STARD13: variants seen among roughly 807,000 people sequenced by gnomAD.
The protein encoded by STARD13 is stAR-related lipid transfer protein 13.
A neutral mutation model predicts 106.4 loss-of-function variants in STARD13; 62 were observed. The ratio of observed to expected loss-of-function variants is 0.58; its 90% CI spans 0.48 to 0.72. The LOEUF (loss-of-function observed/expected upper bound fraction) is 0.72. Among genes scored for constraint, STARD13 ranks in the 30% least tolerant of loss-of-function variants. The probability of loss-of-function intolerance (pLI) is 0.00; values close to 1 mark genes in which losing one functional copy is unlikely to be tolerated. For synonymous variants in STARD13, 565 were observed against 553.0 expected (o/e 1.02, Z -0.31); for missense variants, 1,387 against 1,424.0 (o/e 0.97, Z 0.42).
chr13:33,358,021 C>T, the STARD13 span, among the ~76,000 whole-genome samples: 11 of 152,216 alleles, frequency 7.2e-5, no homozygotes, highest in African/African-American at 2.2e-4. Flanking sequence ...GCGGCGCTTG[C>T]GGGCCAGCTG....
chr13:33,308,523 T>C (rs1893007670), intron 1 of STARD13, among the ~76,000 whole-genome samples: 1 of 137,160 alleles, frequency 7.3e-6, no homozygotes, highest in Non-Finnish European at 1.6e-5. Flanking sequence ...TTTCTTTCTT[T>C]TTTTTTTTTT....
the STARD13 span, among the ~76,000 whole-genome samples, chr13:33,591,306 C>T: frequency 6.6e-6 from 1 of 152,154 alleles, no homozygotes; most frequent in African/African-American, 2.4e-5. Flanking sequence ...GGAACTTTAC[C>T]TTATTTATCA....
intron 1 of STARD13, chr13:33,279,511 A>G: frequency 6.6e-6 from 1 of 152,232 alleles, no homozygotes; most frequent in Non-Finnish European, 1.5e-5. Flanking sequence ...GAACAACAGA[A>G]GTTTCAACAT....
At chr13:33,190,588 C>CTT (rs71196510) in intron 1 of STARD13, among the ~76,000 whole-genome samples, 25 of 131,196 alleles carry the variant, frequency 1.9e-4, no homozygotes, top group African/African-American at 4.7e-4. Context: ...CTTTTCTTTT[C>CTT]TTTTTTTTTT....
chr13:33,186,779 CA>C (rs907047637), intron 1 of STARD13, among the ~76,000 whole-genome samples: 26 of 151,504 alleles, frequency 1.7e-4, no homozygotes, highest in African/African-American at 4.8e-4. Context: ...CAAAATGAAA[CA>C]AAAAAAACCC....
the STARD13 span, among the ~76,000 whole-genome samples, chr13:33,536,338 T>TAA: frequency 6.6e-6 from 1 of 152,212 alleles, no homozygotes; most frequent in Non-Finnish European, 1.5e-5. Flanking sequence ...AGAAACTTTT[T>TAA]AATTGTTCCA....
chr13:33,194,151 G>C (rs995113096), intron 1 of STARD13, among the ~76,000 whole-genome samples: 5 of 152,074 alleles, frequency 3.3e-5, no homozygotes, highest in African/African-American at 1.2e-4. Context: ...GCCTCAATCT[G>C]GACTTAGATT....
At chr13:33,440,102 C>T in the STARD13 span, among the ~76,000 whole-genome samples, 2 of 151,970 alleles carry the variant, frequency 1.3e-5, no homozygotes, top group Non-Finnish European at 2.9e-5. Context: ...CATAGCGAGA[C>T]ACCCTGCTCT....
At chr13:33,154,083 T>A (rs996837267) in intron 3 of STARD13, among the ~76,000 whole-genome samples, 1 of 152,182 alleles carries the variant, frequency 6.6e-6, no homozygotes, top group Non-Finnish European at 1.5e-5. Flanking sequence ...GATATACTAA[T>A]GCCAAAGAGA....
chr13:33,124,575 T>C (rs1173871215), intron 7 of STARD13, among the ~76,000 whole-genome samples: 1 of 152,138 alleles, frequency 6.6e-6, no homozygotes, highest in Non-Finnish European at 1.5e-5. Context: ...GATAAGACTT[T>C]TGCTTCTAAA....
the STARD13 span, among the ~76,000 whole-genome samples, chr13:33,564,206 C>CAAAAAA: frequency 6.9e-4 from 37 of 53,708 alleles, no homozygotes; most frequent in African/African-American, 1.3e-3. Flanking sequence ...GACTGTATCT[C>CAAAAAA]AAAAAAAAAA....
the STARD13 span, among the ~76,000 whole-genome samples, chr13:33,467,662 C>T: frequency 6.6e-6 from 1 of 152,072 alleles, no homozygotes; most frequent in Non-Finnish European, 1.5e-5. Context: ...GGCGTGGTGA[C>T]CAGTTGGAAA....
At chr13:33,367,068 A>G in the STARD13 span, among the ~76,000 whole-genome samples, 1 of 152,230 alleles carries the variant, frequency 6.6e-6, no homozygotes, top group African/African-American at 2.4e-5. Context: ...TAAAATCAGT[A>G]TATAGCCAAG....
intron 1 of STARD13, among the ~76,000 whole-genome samples, chr13:33,211,154 T>G (rs533920681): frequency 6.6e-6 from 1 of 151,648 alleles, no homozygotes; most frequent in East Asian, 1.9e-4. Context: ...CACACTCTAG[T>G]AGCTAATAAA....
chr13:33,332,124 G>A (rs1292568035), intron 1 of STARD13, among the ~76,000 whole-genome samples: 1 of 152,102 alleles, frequency 6.6e-6, no homozygotes, highest in East Asian at 1.9e-4. Context: ...CTGGCTACCT[G>A]TCGACCCCAT....
At chr13:33,675,248 G>T in the STARD13 span, among the ~76,000 whole-genome samples, 1 of 152,200 alleles carries the variant, frequency 6.6e-6, no homozygotes, top group Non-Finnish European at 1.5e-5. Flanking sequence ...GACAAAGGTA[G>T]CTTCAACATT....
rs190470732 is a variant in STARD13, at chr13:33,318,069, C to T, written c.124+32221G>A. Among the ~76,000 whole-genome samples, 5 of 152,270 alleles carry T rather than the reference C, an allele frequency of 3.3e-5. No individual in the cohort carries two copies. The East Asian group carries it at 9.7e-4, about 29-fold the overall frequency. On this transcript the variant is annotated intron_variant, in intron 1 of 5. Transcript: ENST00000567873. ...ATCAATTAGAGGTTTACAATTAAGG[C>T]TAGTGTCCAATCTATTGGGAGGTAA...
At chr13:33,662,864 T>C in the STARD13 span, among the ~76,000 whole-genome samples, 6 of 152,066 alleles carry the variant, frequency 3.9e-5, no homozygotes, top group Non-Finnish European at 7.4e-5. Flanking sequence ...AGCTAATGAA[T>C]ACGCTCTCCC....
the STARD13 span, among the ~76,000 whole-genome samples, chr13:33,609,423 C>T: frequency 6.6e-6 from 1 of 152,078 alleles, no homozygotes; most frequent in Non-Finnish European, 1.5e-5. Flanking sequence ...TACAATTAAT[C>T]GGGTGCACTA....
Sources: allele counts gnomAD v4.1 joint callset (sites outside exome capture counted in the v4.1 genomes callset), GRCh38; gene constraint gnomAD v4.1.1; transcripts MANE v1.5; gene names NCBI Gene and HGNC (gene_info 2026-07-23, HGNC 2026-07-21).